The following CCSER1 variants were observed in gnomAD, a reference collection of about 807,000 sequenced individuals.
The protein encoded by CCSER1 is coiled-coil serine rich protein 1, also known as serine-rich coiled-coil domain-containing protein 1.
In CCSER1, 41 loss-of-function variants were observed where a neutral mutation model predicts 82.0. The ratio of observed to expected loss-of-function variants is 0.50; its 90% CI spans 0.39 to 0.65. CCSER1 has a LOEUF of 0.65. CCSER1 is among the 30% of genes least tolerant of loss of function. The pLI, the probability that CCSER1 is intolerant of heterozygous loss-of-function variation, is 0.00. For missense variants in CCSER1, 1,119 were observed against 1,064.2 expected, an observed-to-expected ratio of 1.05 and a Z score of -0.72; for synonymous variants, 414 against 383.9, an observed-to-expected ratio of 1.08 and a Z score of -0.92.
At chr4:90,513,089 G>T (rs143549626) in intron 5 of CCSER1, among the ~76,000 whole-genome samples, 1 of 152,222 alleles carries the variant, frequency 6.6e-6, no homozygotes, top group South Asian at 2.1e-4. Context: ...TTGTAAACTT[G>T]CCCAGCAAAA....
At chr4:90,334,212 G>C (rs1220505321) in intron 3 of CCSER1, among the ~76,000 whole-genome samples, 2 of 152,064 alleles carry the variant, frequency 1.3e-5, no homozygotes, top group Non-Finnish European at 2.9e-5. Context: ...AAGGTGAGAT[G>C]CTATGATAGA....
Position 91,224,341 on chromosome 4 carries a change from CAA to C in CCSER1, c.2217+138349_2217+138350del, listed in dbSNP as rs553867235. Among the ~76,000 whole-genome samples the C allele has an allele frequency of 5.6e-3, 853 of 152,094 alleles. 9 individuals are homozygous for C. The highest frequency in any genetic ancestry group is 0.02 in the African/African-American group (827 of 41,510). ...AAAATTGTAAGTAAACTGTGGGAGG[CAA>C]AGAGATGAGGTCCTTGTTTAATGTT... is the stretch of plus-strand genomic sequence containing the variant. On this transcript the variant is annotated intron_variant, in intron 10 of 10. Transcript: ENST00000509176.
At chr4:90,776,145 G>A (rs1156413804) in intron 7 of CCSER1, among the ~76,000 whole-genome samples, 1 of 152,032 alleles carries the variant, frequency 6.6e-6, no homozygotes, top group African/African-American at 2.4e-5. Context: ...TAAAACAATT[G>A]TACTGTATGA....
chr4:90,698,358 G>C (rs527446613), intron 6 of CCSER1, among the ~76,000 whole-genome samples: 1 of 152,118 alleles, frequency 6.6e-6, no homozygotes, highest in Non-Finnish European at 1.5e-5. Flanking sequence ...TGACATCTAG[G>C]TGTGAAAAGA....
In CCSER1 at chr4:91,283,340, G is replaced by A. The variant is rs75463205; in HGVS notation, c.2217+197346G>A. Reference sequence around the variant, plus strand: ...TATGCTTTTGTTGATGCATAGATTAGGGCCATTTTATTGAAGTCTTCATCT... The same window carrying A: ...TATGCTTTTGTTGATGCATAGATTAAGGCCATTTTATTGAAGTCTTCATCT... On this transcript the variant is annotated intron_variant, in intron 10 of 10. Coordinates refer to ENST00000509176, the MANE Select transcript of CCSER1 (RefSeq NM_001145065.2). 2.5e-3 allele frequency among the ~76,000 whole-genome samples: 377 copies of A among 151,978 alleles called. 2 individuals carry two copies. The highest frequency in any genetic ancestry group is 8.9e-3 in the African/African-American group (367 of 41,462).
At chr4:91,064,569 T>C (rs1038825329) in intron 9 of CCSER1, among the ~76,000 whole-genome samples, 1 of 152,254 alleles carries the variant, frequency 6.6e-6, no homozygotes, top group African/African-American at 2.4e-5. Context: ...CCCTGGGGAC[T>C]GGTCATGCAG....
chr4:91,222,118 A>G (rs1418292797), intron 10 of CCSER1, among the ~76,000 whole-genome samples: 1 of 151,376 alleles, frequency 6.6e-6, no homozygotes, highest in Non-Finnish European at 1.5e-5. Context: ...GAGAGAGAGA[A>G]AATGTGGGGG....
At chr4:91,480,013 A>G (rs1578571889) in intron 10 of CCSER1, among the ~76,000 whole-genome samples, 1 of 142,716 alleles carries the variant, frequency 7.0e-6, no homozygotes, top group Admixed American at 7.3e-5. Context: ...TGTTCTTGCG[A>G]TAGTTTACTG....
chr4:90,210,435 C>A (rs1739746431), intron 1 of CCSER1, among the ~76,000 whole-genome samples: 1 of 121,022 alleles, frequency 8.3e-6, no homozygotes, highest in South Asian at 2.9e-4. Flanking sequence ...CATTTCTTTT[C>A]TTTTCTTTTC....
intron 9 of CCSER1, among the ~76,000 whole-genome samples, chr4:90,996,994 A>C (rs1737555170): frequency 6.6e-6 from 1 of 152,126 alleles, no homozygotes. Flanking sequence ...AGCAGGTTTC[A>C]TTTCTCTGAA....
At chr4:91,526,940 C>A (rs1015584385) in intron 10 of CCSER1, among the ~76,000 whole-genome samples, 1 of 121,822 alleles carries the variant, frequency 8.2e-6, no homozygotes, top group Non-Finnish European at 1.7e-5. Flanking sequence ...CTCATTTCAA[C>A]TTCAGGAAAA....
chr4:91,482,093 A>T (rs973730494), intron 10 of CCSER1, among the ~76,000 whole-genome samples: 1 of 152,100 alleles, frequency 6.6e-6, no homozygotes, highest in African/African-American at 2.4e-5. Flanking sequence ...ACCAGTTAGA[A>T]TGGTGATCAT....
chr4:90,811,973 T>C (rs1381759106), intron 7 of CCSER1, among the ~76,000 whole-genome samples: 5 of 49,052 alleles, frequency 1.0e-4, no homozygotes, highest in African/African-American at 1.6e-4. Context: ...TATACACATA[T>C]ATATATATAT....
In CCSER1 at chr4:90,309,335, C is replaced by G; in HGVS notation, c.1051C>G (p.Gln351Glu). Residue 351 changes from glutamine (Q) to glutamate (E), a missense_variant, in exon 2 of 11, where the codon CAA (glutamine) becomes GAA (glutamate). Physicochemically the swap from Gln to Glu is conservative, Grantham distance 29. Transcript: ENST00000509176. ...TGCTAATCAGAAGGAAGTGTTATTA[C>G]AAATTGCTGAACTACCTGCTACAAG... ...SAANQKEVLLQIAELPATSVS... is the reference protein window; with the variant it reads ...SAANQKEVLLEIAELPATSVS... 3 of 1,613,850 alleles carry G rather than the reference C, an allele frequency of 1.9e-6. No individual in the cohort carries two copies. Among genetic ancestry groups the G allele is most frequent in the Non-Finnish European group, 2.5e-6 (3 of 1,179,814 alleles).
intron 1 of CCSER1, among the ~76,000 whole-genome samples, chr4:90,227,956 T>A (rs1171180398): frequency 6.6e-6 from 1 of 152,220 alleles, no homozygotes; most frequent in Non-Finnish European, 1.5e-5. Context: ...ATCCCGCACC[T>A]GGCTCGGAGG....
At chr4:90,426,094 C>T (rs1157521305) in intron 4 of CCSER1, among the ~76,000 whole-genome samples, 10 of 152,112 alleles carry the variant, frequency 6.6e-5, no homozygotes, top group Middle Eastern at 3.4e-3. Context: ...GTGGAAAGTG[C>T]GATACATGGT....
chr4:90,259,771 T>C (rs1012803578), intron 1 of CCSER1, among the ~76,000 whole-genome samples: 5 of 152,172 alleles, frequency 3.3e-5, no homozygotes, highest in Non-Finnish European at 5.9e-5. Flanking sequence ...TATTGACTTG[T>C]GTATGTTAAA....
At chr4:91,186,524 A>C (rs1734551024) in intron 10 of CCSER1, among the ~76,000 whole-genome samples, 1 of 152,150 alleles carries the variant, frequency 6.6e-6, no homozygotes, top group Admixed American at 6.5e-5. Context: ...TGCTGAGACC[A>C]GCTCAGTCAG....
intron 10 of CCSER1, among the ~76,000 whole-genome samples, chr4:91,131,331 C>CTTTTTTTTTT: frequency 7.3e-6 from 1 of 137,746 alleles, no homozygotes; most frequent in Non-Finnish European, 1.6e-5. Context: ...GTTCTCCCCT[C>CTTTTTTTTTT]TTTTTTTTTT....
Sources: gnomAD v4.1 joint callset for allele counts (sites outside exome capture counted in the v4.1 genomes callset) on GRCh38, gnomAD v4.1.1 for gene constraint, MANE v1.5 for transcripts, NCBI Gene and HGNC (gene_info 2026-07-23, HGNC 2026-07-21) for gene names.